Variants in SOX5 observed in about 807,000 individuals in gnomAD.
SOX5 encodes the protein SRY-box transcription factor 5, also known as transcription factor SOX-5.
In SOX5, 9 loss-of-function variants were observed where a neutral mutation model predicts 92.0. The ratio of observed to expected loss-of-function variants is 0.10; its 90% CI spans 0.06 to 0.17. The LOEUF (loss-of-function observed/expected upper bound fraction) is 0.17, where lower values mean the gene tolerates loss of function less well. SOX5 is among the 10% of genes least tolerant of loss of function. SOX5 has a pLI of 1.00. For synonymous variants in SOX5, 344 were observed against 336.3 expected, an observed-to-expected ratio of 1.02 and a Z score of -0.25; for missense variants, 642 against 944.5, an observed-to-expected ratio of 0.68 and a Z score of 4.20.
At chr12:23,653,405 C>G (rs2081935405) in intron 7 of SOX5, among the ~76,000 whole-genome samples, 1 of 152,026 alleles carries the variant, frequency 6.6e-6, no homozygotes, top group Non-Finnish European at 1.5e-5. Context: ...CACTAAGAAT[C>G]CTTTCCTGAT....
intron 4 of SOX5, among the ~76,000 whole-genome samples, chr12:23,743,121 A>G (rs2093858080): frequency 6.6e-6 from 1 of 152,200 alleles, no homozygotes; most frequent in South Asian, 2.1e-4. Context: ...AGAAAATTTA[A>G]TGACATGGGA....
intron 4 of SOX5, among the ~76,000 whole-genome samples, chr12:24,060,056 C>A (rs1939366483): frequency 6.6e-6 from 1 of 152,110 alleles, no homozygotes; most frequent in Non-Finnish European, 1.5e-5. Flanking sequence ...AGTTTTGTGC[C>A]TAGAGTAAAT....
intron 2 of SOX5, among the ~76,000 whole-genome samples, chr12:23,885,811 T>A (rs879432272): frequency 4.0e-5 from 6 of 151,356 alleles, no homozygotes; most frequent in African/African-American, 9.7e-5. Flanking sequence ...CAAAGAATGT[T>A]CCCTCATTCT....
At chr12:24,262,075 G>T (rs78161133) in intron 3 of SOX5, among the ~76,000 whole-genome samples, 3 of 152,090 alleles carry the variant, frequency 2.0e-5, no homozygotes, top group Non-Finnish European at 4.4e-5. Context: ...CAATTCACAG[G>T]CATCATTAGA....
At chr12:24,255,454 A>G (rs915106735) in intron 3 of SOX5, among the ~76,000 whole-genome samples, 4 of 152,206 alleles carry the variant, frequency 2.6e-5, no homozygotes, top group African/African-American at 4.8e-5. Context: ...CTATGGCTGT[A>G]TAATTTATCT....
intron 2 of SOX5, among the ~76,000 whole-genome samples, chr12:23,868,161 C>G (rs569918285): frequency 6.6e-6 from 1 of 151,706 alleles, no homozygotes; most frequent in Non-Finnish European, 1.5e-5. Context: ...AAAACATCAC[C>G]TGCTTTTAAT....
At chr12:23,970,841 A>ATATATATTTTTTTTTTTTTTT in intron 4 of SOX5, among the ~76,000 whole-genome samples, 231 of 21,878 alleles carry the variant, frequency 0.011, 45 homozygotes, top group Middle Eastern at 0.042. Context: ...TATATATATA[A>ATATATATTTTTTTTTTTTTTT]TTTTTTTTTT....
chr12:24,413,224 C>A (rs1188511225), intron 1 of SOX5, among the ~76,000 whole-genome samples: 1 of 152,156 alleles, frequency 6.6e-6, no homozygotes, highest in Non-Finnish European at 1.5e-5. Context: ...ATGTATTTTG[C>A]AGCTCAGTTA....
At chr12:23,576,601 T>C (rs1041544983) in intron 9 of SOX5, among the ~76,000 whole-genome samples, 2 of 152,304 alleles carry the variant, frequency 1.3e-5, no homozygotes, top group East Asian at 3.9e-4. Context: ...CAGTTCAGCA[T>C]GGTTGATGAT....
intron 4 of SOX5, among the ~76,000 whole-genome samples, chr12:23,981,193 A>C (rs1339994341): frequency 6.6e-6 from 1 of 152,044 alleles, no homozygotes; most frequent in Non-Finnish European, 1.5e-5. Context: ...TACCTCCCTT[A>C]GAGGCCTGCC....
chr12:23,534,222 G>A lies in SOX5; in HGVS notation c.2289C>T (p.Asn763=). ...DSENHIAGQA[N] Reference sequence around the variant, plus strand: ...CACAACAATCTTTTGACCCTTATCAGTTGGCTTGTCCTGCAATATGGTTTT... The same window carrying A: ...CACAACAATCTTTTGACCCTTATCAATTGGCTTGTCCTGCAATATGGTTTT... Residue 763 remains asparagine, a synonymous_variant, in exon 15 of 15, where the codon AAC becomes AAT. Transcript: ENST00000451604. 6.2e-7 allele frequency: 1 copy of A among 1,613,170 alleles called. No individual in the cohort carries two copies. Among genetic ancestry groups the A allele is most frequent in the South Asian group, 1.1e-5 (1 of 91,032 alleles).
chr12:23,614,119 G>A (rs1398882390), intron 8 of SOX5, among the ~76,000 whole-genome samples: 1 of 152,136 alleles, frequency 6.6e-6, no homozygotes, highest in Non-Finnish European at 1.5e-5. Flanking sequence ...AAGAGCTTCT[G>A]AAGTGGGGGC....
chr12:24,139,360 C>T (rs746825363), intron 4 of SOX5, among the ~76,000 whole-genome samples: 2 of 152,084 alleles, frequency 1.3e-5, no homozygotes, highest in Non-Finnish European at 2.9e-5. Context: ...TCATAACAGT[C>T]GTGGGCATAC....
At chr12:24,075,414 G>T (rs1942439990) in intron 4 of SOX5, among the ~76,000 whole-genome samples, 1 of 151,694 alleles carries the variant, frequency 6.6e-6, no homozygotes, top group Admixed American at 6.6e-5. Context: ...AGAAATGAGA[G>T]GCTAAGTATA....
At chr12:24,250,397 A>T (rs558296913) in intron 3 of SOX5, among the ~76,000 whole-genome samples, 81 of 152,322 alleles carry the variant, frequency 5.3e-4, no homozygotes, top group African/African-American at 1.9e-3. Flanking sequence ...TTATTACCCC[A>T]GCAAGAGATA....
chr12:24,492,577 G>T (rs1014440126), intron 1 of SOX5, among the ~76,000 whole-genome samples: 1 of 152,102 alleles, frequency 6.6e-6, no homozygotes, highest in Non-Finnish European at 1.5e-5. Flanking sequence ...AAAAGTCAAT[G>T]ATTCAATCCC....
intron 3 of SOX5, among the ~76,000 whole-genome samples, chr12:23,812,363 G>C (rs2095890778): frequency 6.6e-6 from 1 of 152,012 alleles, no homozygotes. Context: ...GACAGTAAAA[G>C]TGTGATGACA....
Position 24,287,844 on chromosome 12 carries a change from C to A in SOX5, c.-173-10532G>T, listed in dbSNP as rs543416137. Among the ~76,000 whole-genome samples the A allele has an allele frequency of 9.2e-5, 14 of 152,016 alleles. No individual in the cohort carries two copies. The South Asian group carries it at 2.9e-3, about 32-fold the overall frequency. On this transcript the variant is annotated intron_variant, in intron 2 of 4. Transcript: ENST00000446891. ...AAACTCAGAAAAATTCTTACGAGAC[C>A]CCAAATCACAGAACAACAATGCAGC...
chr12:23,691,724 T>C (rs1284292157), intron 6 of SOX5, among the ~76,000 whole-genome samples: 3 of 152,200 alleles, frequency 2.0e-5, no homozygotes, highest in Non-Finnish European at 4.4e-5. Context: ...TTCTTTTTTA[T>C]TCTTTGTATT....
Sources: allele counts gnomAD v4.1 joint callset (sites outside exome capture counted in the v4.1 genomes callset), GRCh38; gene constraint gnomAD v4.1.1; transcripts MANE v1.5; gene names NCBI Gene and HGNC (gene_info 2026-07-23, HGNC 2026-07-21).